Variants in KRT12 observed in about 807,000 individuals in gnomAD.
The protein encoded by KRT12 is keratin, type I cytoskeletal 12.
A neutral mutation model predicts 50.2 loss-of-function variants in KRT12; 43 were observed. The ratio of observed to expected loss-of-function variants is 0.86; its 90% CI spans 0.67 to 1.11. The LOEUF is 1.11. KRT12 is among the 50% of genes least tolerant of loss of function. The pLI is 0.00. For missense variants in KRT12, 588 were observed against 625.6 expected (o/e 0.94, Z 0.64); for synonymous variants, 257 against 253.6 (o/e 1.01, Z -0.13).
Position 40,863,630 on chromosome 17 carries a change from CA to C in KRT12, c.970-21del. 6.2e-7 allele frequency: 1 copy of C among 1,614,228 alleles called. No individual in the cohort carries two copies. Among genetic ancestry groups the C allele is most frequent in the Non-Finnish European group, 8.5e-7 (1 of 1,180,048 alleles). ...CCCGCTCTGCAACAGCAAAGACAGC[CA>C]GGGGGCTCGAGCGCTGAGCTCGTTC... On this transcript the variant is annotated intron_variant, in intron 4 of 7. Transcript: ENST00000251643. This position sits in a 1 kb window ranked among gnomAD's most constrained non-coding sequence, Gnocchi z 4.2.
chr17:40,865,534 A>C (rs1567741480), intron 2 of KRT12, among the ~76,000 whole-genome samples: 1 of 152,230 alleles, frequency 6.6e-6, no homozygotes, highest in Non-Finnish European at 1.5e-5. Context: ...GTACATGGTT[A>C]ATCTTTCCAT....
chr17:40,863,858 G>A lies in KRT12; in HGVS notation c.814C>T (p.Gln272Ter). The change falls in exon 4 of 8, where the codon CAA becomes TAA. Residue 272 changes from glutamine (Q) to a stop codon, truncating the protein, a stop_gained. Transcript: ENST00000251643. LOFTEE classifies it high-confidence loss of function. This position sits in a 1 kb window ranked among gnomAD's most constrained non-coding sequence, Gnocchi z 4.2. ...CCTGGGCCGCCCACCCGGAAGCTTT[G>A]GAGCTCCTGGGGACAGCATGTGAGA... is the stretch of plus-strand genomic sequence containing the variant. Reference protein sequence around the residue: ...YMKKNHEDELQSFRVGGPGEV... With the variant: ...YMKKNHEDEL 6.2e-7 allele frequency: 1 copy of A among 1,603,072 alleles called. No individual in the cohort carries two copies. Among genetic ancestry groups the A allele is most frequent in the South Asian group, 1.1e-5 (1 of 90,448 alleles).
chr17:40,864,794 T>C lies in KRT12; in HGVS notation c.807+12A>G. ...AAAAAGTAGCTGAGTGAGGCTGCCC[T>C]GTCTGACTCACATCCTCGTGGTTCT... is the stretch of plus-strand genomic sequence containing the variant. On this transcript the variant is annotated intron_variant, in intron 3 of 7. Transcript: ENST00000251643. 6.2e-7 allele frequency: 1 copy of C among 1,613,138 alleles called. No homozygotes were observed. The highest frequency in any genetic ancestry group is 2.2e-5 in the East Asian group (1 of 44,888).
Position 40,863,811 on chromosome 17 carries a change from G to A in KRT12, c.861C>T (p.Asp287=), listed in dbSNP as rs779289274. The change falls in exon 4 of 8, where the codon GAC becomes GAT. Residue 287 remains aspartate (D), a synonymous_variant. Transcript: ENST00000251643. This position sits in a 1 kb window ranked among gnomAD's most constrained non-coding sequence, Gnocchi z 4.2. The part of the protein sequence containing the change: ...GGPGEVSVEM[D]AAPGVDLTRL... ...TGGTGAGGTCCACTCCGGGGGCAGC[G>A]TCCATTTCTACGCTGACCTCGCCTG... 3 of 1,611,978 alleles carry A rather than the reference G, an allele frequency of 1.9e-6. No homozygotes were observed. Among genetic ancestry groups the A allele is most frequent in the Admixed American group, 3.3e-5 (2 of 59,994 alleles).
rs778620308 is a variant in KRT12, at chr17:40,862,574, A to G, written c.1378T>C (p.Ser460Pro). The change falls in exon 7 of 8, where the codon TCC (serine) becomes CCC (proline). Residue 460 changes from serine to proline, a missense_variant. Transcript: ENST00000251643. The part of the protein sequence containing the change: ...DSKSQAQSTD[S>P]SKDPTKTRKI... ...TAGGGTTTCTGCATACCTTTAGAGG[A>G]ATCAGTTGACTGTGCTTGTGATTTG... 2 of 1,610,926 alleles carry G rather than the reference A, an allele frequency of 1.2e-6. No homozygotes were observed. The highest frequency in any genetic ancestry group is 1.7e-6 in the Non-Finnish European group (2 of 1,177,266).
Position 40,864,806 on chromosome 17 carries a change from A to G in KRT12, c.807T>C (p.Asp269=), listed in dbSNP as rs1567740552. Residue 269 remains aspartate (D), a splice_region_variant and synonymous_variant, in exon 3 of 8, where the codon GAT becomes GAC. Coordinates refer to ENST00000251643, the MANE Select transcript of KRT12 (RefSeq NM_000223.4). ...ELAYMKKNHE[D]ELQSFRVGGP... is the part of the protein sequence containing the mutation. Reference sequence around the variant, plus strand: ...AGTGAGGCTGCCCTGTCTGACTCACATCCTCGTGGTTCTTCTTCATGTAGG... The same window carrying G: ...AGTGAGGCTGCCCTGTCTGACTCACGTCCTCGTGGTTCTTCTTCATGTAGG... The G allele has an allele frequency of 6.2e-7, 1 of 1,613,592 alleles. No individual in the cohort carries two copies. Among genetic ancestry groups the G allele is most frequent in the Non-Finnish European group, 8.5e-7 (1 of 1,179,962 alleles).
Position 40,862,621 on chromosome 17 carries a change from T to G in KRT12, c.1331A>C (p.Glu444Ala), listed in dbSNP as rs1906845364. The G allele has an allele frequency of 1.9e-6, 3 of 1,612,908 alleles. No individual in the cohort carries two copies. The highest frequency in any genetic ancestry group is 1.7e-6 in the Non-Finnish European group (2 of 1,178,940). Residue 444 changes from glutamate to alanine, a missense_variant, in exon 7 of 8, where the codon GAA becomes GCA. Physicochemically the swap from Glu to Ala is moderately radical, Grantham distance 107 (BLOSUM62 -1). Transcript: ENST00000251643. The part of the protein sequence containing the change: ...DGEAQGDGLE[E>A]SLFVTDSKSQ... ...TTTGGAGTCTGTCACAAATAAACTT[T>G]CCTCCAAACCATCACTGTAAGAAAA...
In KRT12 at chr17:40,867,090, T is replaced by C; in HGVS notation, c.97A>G (p.Met33Val). 1 of 1,613,744 alleles carries C rather than the reference T, an allele frequency of 6.2e-7. No individual in the cohort carries two copies. The change falls in exon 1 of 8, where the codon ATG (methionine) becomes GTG (valine). Residue 33 changes from methionine to valine, a missense_variant. Physicochemically the swap from Met to Val is conservative, Grantham distance 21. Coordinates refer to ENST00000251643, the MANE Select transcript of KRT12 (RefSeq NM_000223.4). ...CCACTTCCAACACTGGAAGCAGACA[T>C]GCCCCTGGGTCTGCCTATCACACTC... ...SQSVIGRPRG[M>V]SASSVGSGYG...
At position 40,863,862 on chromosome 17, in the gene KRT12, C is replaced by T. The variant is rs1906906444; in HGVS notation, c.810G>A (p.Glu270=). Reference sequence around the variant, plus strand: ...GGCCGCCCACCCGGAAGCTTTGGAGCTCCTGGGGACAGCATGTGAGAGAGA... The same window carrying T: ...GGCCGCCCACCCGGAAGCTTTGGAGTTCCTGGGGACAGCATGTGAGAGAGA... ...LAYMKKNHED[E]LQSFRVGGPG... Residue 270 remains glutamate (E), a splice_region_variant and synonymous_variant, in exon 4 of 8, where the codon GAG becomes GAA. Transcript: ENST00000251643. The surrounding 1 kb of genome is among the most constrained non-coding windows in gnomAD (Gnocchi z 4.2). 7 of 1,598,788 alleles carry T rather than the reference C, an allele frequency of 4.4e-6. No homozygotes were observed. Among genetic ancestry groups the T allele is most frequent in the Non-Finnish European group, 6.0e-6 (7 of 1,174,140 alleles).
chr17:40,863,250 G>A lies in KRT12; in HGVS notation c.1189C>T (p.Gln397Ter), dbSNP rs1428007098. The A allele has an allele frequency of 1.2e-6, 2 of 1,613,990 alleles. No individual in the cohort carries two copies. Among genetic ancestry groups the A allele is most frequent in the South Asian group, 2.2e-5 (2 of 91,082 alleles). ...VQQLISNLEA[Q>*]LLQVRADAER... Reference sequence around the variant, plus strand: ...GCGTCCGCGCGCACCTGGAGCAGCTGTGCCTCCAGGTTGCTGATGAGCTGC... The same window carrying A: ...GCGTCCGCGCGCACCTGGAGCAGCTATGCCTCCAGGTTGCTGATGAGCTGC... The change falls in exon 6 of 8, where the codon CAG (glutamine) becomes TAG (stop). Residue 397 changes from glutamine to a stop codon, truncating the protein, a stop_gained. Transcript: ENST00000251643. LOFTEE classifies it high-confidence loss of function. The surrounding 1 kb of genome is among the most constrained non-coding windows in gnomAD (Gnocchi z 4.2).
In KRT12 at chr17:40,863,772, A is replaced by G. The variant is rs751732128; in HGVS notation, c.900T>C (p.Asp300=). 1.2e-6 allele frequency: 2 copies of G among 1,613,004 alleles called. No homozygotes were observed. Among genetic ancestry groups the G allele is most frequent in the East Asian group, 2.2e-5 (1 of 44,868 alleles). Residue 300 remains aspartate (D), a synonymous_variant, in exon 4 of 8, where the codon GAT becomes GAC. Coordinates refer to ENST00000251643, the MANE Select transcript of KRT12 (RefSeq NM_000223.4). This position sits in a 1 kb window ranked among gnomAD's most constrained non-coding sequence, Gnocchi z 4.2. ...CGATGGTTTCATACTGCGCCCGCAT[A>G]TCATTGAGGAGCCTGGTGAGGTCCA... ...PGVDLTRLLN[D]MRAQYETIAE...
At chr17:40,864,760 GGA>G in intron 3 of KRT12, 44 bp downstream of exon 3, 1 of 1,545,662 alleles carries the variant, frequency 6.5e-7, no homozygotes, top group Admixed American at 1.8e-5. Flanking sequence ...TTTGGGTCTG[GGA>G]GAAAAAAAAA....
chr17:40,865,782 C>T (rs977876303), intron 2 of KRT12, among the ~76,000 whole-genome samples: 3 of 151,938 alleles, frequency 2.0e-5, no homozygotes, highest in Admixed American at 1.3e-4. Flanking sequence ...GAGCCGAGAT[C>T]GCGTCACTGC....
intron 1 of KRT12, 63 bp downstream of exon 1, chr17:40,866,557 A>G: frequency 1.4e-6 from 2 of 1,385,132 alleles, no homozygotes; most frequent in South Asian, 1.2e-5. Context: ...TTATCACTGT[A>G]AAACATTGTA....
Position 40,863,670 on chromosome 17 carries a change from T to G in KRT12, c.969+33A>C. On this transcript the variant is annotated intron_variant, in intron 4 of 7. Transcript: ENST00000251643. This position sits in a 1 kb window ranked among gnomAD's most constrained non-coding sequence, Gnocchi z 4.2. ...CTGAGCTCGTTCGCAGGCCTTTCTG[T>G]GAATGTATCAAAGCCTTTGTTGTTT... 6.2e-7 allele frequency: 1 copy of G among 1,614,192 alleles called. No homozygotes were observed.
In KRT12 at chr17:40,866,682, C is replaced by T. The variant is rs1337244636; in HGVS notation, c.505G>A (p.Ala169Thr). The change falls in exon 1 of 8, where the codon GCA becomes ACA. Residue 169 changes from alanine (A) to threonine (T), a missense_variant. Ala to Thr is a moderately conservative substitution (Grantham distance 58). Transcript: ENST00000251643. The stretch of plus-strand genomic sequence containing the variant: ...CTGTAATCGCTCTGTGAAGCATCTG[C>T]AGTCCCAGTTCCTCGTGTTTCATAC... Reference protein sequence around the residue: ...EWYETRGTGTADASQSDYSKY... With the variant: ...EWYETRGTGTTDASQSDYSKY... 2 of 1,614,090 alleles carry T rather than the reference C, an allele frequency of 1.2e-6. No homozygotes were observed. The highest frequency in any genetic ancestry group is 1.7e-6 in the Non-Finnish European group (2 of 1,180,034).
rs530760736 is a variant in KRT12 at position 40,863,489 on chromosome 17, G to A, written c.1091C>T (p.Ala364Val). ...TCTGTTTGCGCACGAGCCTACCATG[G>A]CGAGCTGGGACTGTAGCTCGATCTC... Reference protein sequence around the residue: ...NLEIELQSQLAMKKSLEDSLA... With the variant: ...NLEIELQSQLVMKKSLEDSLA... Residue 364 changes from alanine (A) to valine (V), a missense_variant, in exon 5 of 8, where the codon GCC becomes GTC. By Grantham distance (64) the Ala-to-Val change is moderately conservative (BLOSUM62 0). Coordinates refer to ENST00000251643, the MANE Select transcript of KRT12 (RefSeq NM_000223.4). This position sits in a 1 kb window ranked among gnomAD's most constrained non-coding sequence, Gnocchi z 4.2. 6.2e-7 allele frequency: 1 copy of A among 1,614,252 alleles called. No individual in the cohort carries two copies. The highest frequency in any genetic ancestry group is 2.2e-5 in the East Asian group (1 of 44,882).
rs150149178 is a variant in KRT12 at position 40,861,722 on chromosome 17, T to C, written c.1424A>G (p.Gln475Arg). Residue 475 changes from glutamine (Q) to arginine (R), a missense_variant, in exon 8 of 8, where the codon CAG becomes CGG. Gln to Arg is a conservative substitution (Grantham distance 43). Coordinates refer to ENST00000251643, the MANE Select transcript of KRT12 (RefSeq NM_000223.4). Reference sequence around the variant, plus strand: ...GACCACCTCACCATTCACCATCTCCTGCACAACTGTCTTGATTTTTCGGGT... The same window carrying C: ...GACCACCTCACCATTCACCATCTCCCGCACAACTGTCTTGATTTTTCGGGT... The part of the protein sequence containing the change: ...TKTRKIKTVV[Q>R]EMVNGEVVSS... 1.5e-3 allele frequency: 2,375 copies of C among 1,613,904 alleles called. 5 individuals are homozygous for C. The highest frequency in any genetic ancestry group is 1.9e-3 in the South Asian group (170 of 91,084).
chr17:40,862,660 C>G, intron 6 of KRT12, 25 bp from the exon 7 acceptor site: 1 of 1,557,640 alleles, frequency 6.4e-7, no homozygotes, highest in Non-Finnish European at 8.9e-7. Context: ...AGGAGATGAC[C>G]TCAAAAAGTG....
Sources: allele counts gnomAD v4.1 joint callset (sites outside exome capture counted in the v4.1 genomes callset), GRCh38; gene constraint gnomAD v4.1.1; non-coding constraint Gnocchi (gnomAD v3.1); transcripts MANE v1.5; gene names NCBI Gene and HGNC (gene_info 2026-07-23, HGNC 2026-07-21).